SLC39A11: variants seen among roughly 807,000 people sequenced by gnomAD.
SLC39A11 encodes the protein solute carrier family 39 member 11, also known as zinc transporter ZIP11.
Under a neutral mutation model 36.1 loss-of-function variants are expected in SLC39A11, and 33 were observed. The observed-to-expected ratio is 0.91, with a 90% CI of 0.69 to 1.22. The LOEUF is 1.22. Among genes scored for constraint, SLC39A11 ranks in the 50% most tolerant of loss-of-function variants. SLC39A11 has a pLI of 0.00. For missense variants in SLC39A11, 432 were observed against 430.3 expected (o/e 1.00, Z -0.03); for synonymous variants, 166 against 170.3 (o/e 0.97, Z 0.20).
chr17:72,650,217 C>T (rs2069787717), intron 7 of SLC39A11, among the ~76,000 whole-genome samples: 2 of 152,220 alleles, frequency 1.3e-5, no homozygotes, highest in African/African-American at 4.8e-5. Flanking sequence ...GTGATCCTCT[C>T]ACCTCCTGCC....
intron 4 of SLC39A11, among the ~76,000 whole-genome samples, chr17:73,007,489 C>T (rs573568680): frequency 6.6e-6 from 1 of 152,298 alleles, no homozygotes; most frequent in African/African-American, 2.4e-5. Context: ...GGACTAATGA[C>T]AATGGCCAAA....
chr17:72,667,583 G>T (rs1247530881), intron 7 of SLC39A11, among the ~76,000 whole-genome samples: 1 of 152,194 alleles, frequency 6.6e-6, no homozygotes, highest in African/African-American at 2.4e-5. Flanking sequence ...GATATCATCA[G>T]CTGGGAGGCT....
chr17:73,078,233 G>A (rs1174241827), intron 3 of SLC39A11, among the ~76,000 whole-genome samples: 11 of 136,132 alleles, frequency 8.1e-5, no homozygotes, highest in Non-Finnish European at 1.3e-4. Flanking sequence ...GCAAGACTCC[G>A]TCTCAGGAAA....
At chr17:73,039,370 C>T (rs745478414) in intron 3 of SLC39A11, among the ~76,000 whole-genome samples, 2 of 152,186 alleles carry the variant, frequency 1.3e-5, no homozygotes, top group African/African-American at 2.4e-5. Context: ...TCCCCCAGAA[C>T]GTCGCACATG....
At chr17:72,919,357 C>T (rs2083507727) in intron 5 of SLC39A11, among the ~76,000 whole-genome samples, 1 of 152,018 alleles carries the variant, frequency 6.6e-6, no homozygotes, top group African/African-American at 2.4e-5. Flanking sequence ...TTACCATGAT[C>T]ATAAAGGTGA....
At chr17:73,048,484 G>A (rs921126544) in intron 3 of SLC39A11, among the ~76,000 whole-genome samples, 10 of 152,164 alleles carry the variant, frequency 6.6e-5, no homozygotes, top group Middle Eastern at 3.2e-3. Context: ...TGTGAATAAC[G>A]CTGTGATGAA....
intron 4 of SLC39A11, among the ~76,000 whole-genome samples, chr17:72,966,229 C>G (rs567489888): frequency 2.0e-5 from 3 of 152,304 alleles, no homozygotes; most frequent in Admixed American, 2.0e-4. Context: ...GGGAACATCA[C>G]ATCCAGTGGG....
chr17:73,082,875 G>C (rs1319515427), intron 3 of SLC39A11, among the ~76,000 whole-genome samples: 1 of 151,788 alleles, frequency 6.6e-6, no homozygotes, highest in Non-Finnish European at 1.5e-5. Context: ...AATTAGCCAG[G>C]CGTGGTGGTG....
intron 6 of SLC39A11, among the ~76,000 whole-genome samples, chr17:72,816,090 C>T (rs2077573729): frequency 6.6e-6 from 1 of 152,244 alleles, no homozygotes; most frequent in South Asian, 2.1e-4. Context: ...GAGAGTTGAA[C>T]TTGGTTTTCA....
chr17:72,649,333 C>G, intron 7 of SLC39A11, 65 bp from the exon 8 acceptor site: 1 of 1,467,332 alleles, frequency 6.8e-7, no homozygotes. Flanking sequence ...ATGGGAGTCC[C>G]TGGCCGAGGC....
At chr17:72,965,034 T>C (rs2086867318) in intron 4 of SLC39A11, among the ~76,000 whole-genome samples, 2 of 149,532 alleles carry the variant, frequency 1.3e-5, no homozygotes, top group Admixed American at 6.7e-5. Context: ...TTCTCACTCA[T>C]AGGTGCGAAT....
intron 7 of SLC39A11, among the ~76,000 whole-genome samples, chr17:72,663,481 C>T (rs901035333): frequency 1.4e-4 from 21 of 152,226 alleles, no homozygotes; most frequent in African/African-American, 5.1e-4. Flanking sequence ...GAGACCCCCT[C>T]AATCCTGGGC....
rs374615467 is a variant in SLC39A11 at position 72,934,332 on chromosome 17, T to A, written c.430+13420A>T. Reference sequence around the variant, plus strand: ...GGACTGGGAGAAAAAGAAATGCAAATCACATATCTGACAAAGGTCCTCTAT... The same window carrying A: ...GGACTGGGAGAAAAAGAAATGCAAAACACATATCTGACAAAGGTCCTCTAT... On this transcript the variant is annotated intron_variant, in intron 5 of 9. Transcript: ENST00000255559. Among the ~76,000 whole-genome samples the A allele has an allele frequency of 2.6e-5, 4 of 152,062 alleles. No homozygotes were observed. In the East Asian group the frequency reaches 5.8e-4, roughly 22 times the overall value.
At chr17:72,688,368 T>C (rs958868763) in intron 7 of SLC39A11, among the ~76,000 whole-genome samples, 3 of 152,186 alleles carry the variant, frequency 2.0e-5, no homozygotes, top group African/African-American at 7.2e-5. Flanking sequence ...TCCAGGCAAA[T>C]AATGCAGCTT....
chr17:72,724,281 T>G (rs1274044599), intron 7 of SLC39A11, among the ~76,000 whole-genome samples: 1 of 152,124 alleles, frequency 6.6e-6, no homozygotes, highest in East Asian at 1.9e-4. Context: ...CCCTGTTCGC[T>G]TCCCAGCCCT....
chr17:73,005,030 C>T (rs563800785), intron 4 of SLC39A11, among the ~76,000 whole-genome samples: 1 of 152,208 alleles, frequency 6.6e-6, no homozygotes, highest in Admixed American at 6.5e-5. Context: ...GAGTCTCGCT[C>T]CTTCCCCCAG....
chr17:72,698,465 A>G (rs1260918057), intron 7 of SLC39A11, among the ~76,000 whole-genome samples: 44 of 126,034 alleles, frequency 3.5e-4, no homozygotes, highest in Admixed American at 3.3e-3. Context: ...AAACCAAAAA[A>G]AAAAAAAAAA....
At chr17:72,970,994 A>C (rs1021214533) in intron 4 of SLC39A11, among the ~76,000 whole-genome samples, 2 of 152,160 alleles carry the variant, frequency 1.3e-5, no homozygotes, top group Non-Finnish European at 2.9e-5. Flanking sequence ...GCCCACAAAC[A>C]GGCTGATCGC....
At chr17:72,958,984 A>C (rs2086424906) in intron 4 of SLC39A11, among the ~76,000 whole-genome samples, 1 of 152,170 alleles carries the variant, frequency 6.6e-6, no homozygotes, top group African/African-American at 2.4e-5. Context: ...TTAATCCTGC[A>C]AGAATGACCA....
Sources: allele counts gnomAD v4.1 joint callset (sites outside exome capture counted in the v4.1 genomes callset), GRCh38; gene constraint gnomAD v4.1.1; transcripts MANE v1.5; gene names NCBI Gene and HGNC (gene_info 2026-07-23, HGNC 2026-07-21).